The following ZDHHC9 variants were observed in gnomAD, a reference collection of about 807,000 sequenced individuals.
ZDHHC9 encodes the protein zDHHC palmitoyltransferase 9.
A neutral mutation model predicts 26.6 loss-of-function variants in ZDHHC9; 3 were observed. The ratio of observed to expected loss-of-function variants is 0.11; its 90% CI spans 0.05 to 0.29. ZDHHC9 has a LOEUF of 0.29. ZDHHC9 is among the 10% of genes least tolerant of loss of function. The pLI, the probability that ZDHHC9 is intolerant of heterozygous loss-of-function variation, is 1.00. For missense variants in ZDHHC9, 146 were observed against 296.4 expected, an observed-to-expected ratio of 0.49 and a Z score of 3.73; for synonymous variants, 111 against 109.4, an observed-to-expected ratio of 1.01 and a Z score of -0.09.
chrX:129,835,673 C>T (rs1257523455), intron 3 of ZDHHC9, among the ~76,000 whole-genome samples: 1 of 110,561 alleles, frequency 9.0e-6, no homozygotes, highest in Non-Finnish European at 1.9e-5. Flanking sequence ...ATCCCAGCTA[C>T]TCAGGAGGCT....
At chrX:129,829,212 T>A in intron 3 of ZDHHC9, 71 bp from the exon 4 acceptor site, 1 of 1,102,379 alleles carries the variant, frequency 9.1e-7, no homozygotes, top group African/African-American at 1.8e-5. Flanking sequence ...TACCAGTATG[T>A]CAATCTGGCC....
At chrX:129,842,219 C>T in intron 2 of ZDHHC9, 139 bp from the exon 3 acceptor site, 1 of 387,307 alleles carries the variant, frequency 2.6e-6, no homozygotes, top group Admixed American at 4.5e-5. Flanking sequence ...ATTTCCAATT[C>T]GTGTTTGTTC....
Position 129,805,068 on chromosome X carries a change from C to A in ZDHHC9, c.*1302G>T, listed in dbSNP as rs749047738. On this transcript the variant is annotated 3_prime_UTR_variant, in exon 11 of 11. Transcript: ENST00000357166. ...ACACAGGTGCTCTAGGAAATATAGC[C>A]ACATATAATACATAAATCTTCTTCC... 8.9e-6 allele frequency: 1 copy of A among 112,710 alleles called. No homozygotes were observed. The highest frequency in any genetic ancestry group is 1.9e-5 in the Non-Finnish European group (1 of 53,301). 9.3% of individuals were successfully genotyped at this position (112,710 alleles called of 1,213,427 possible). A position where few individuals can be genotyped will look rare whatever the true frequency, so the allele number is the denominator to read the frequency against.
chrX:129,834,126 A>T (rs1161960431), intron 3 of ZDHHC9, among the ~76,000 whole-genome samples: 1 of 111,532 alleles, frequency 9.0e-6, no homozygotes, highest in Admixed American at 9.5e-5. Context: ...AATCCTGGCA[A>T]GCTCCCTTGC....
intron 5 of ZDHHC9, among the ~76,000 whole-genome samples, chrX:129,818,390 G>T (rs1245190316): frequency 8.9e-6 from 1 of 112,056 alleles, no homozygotes; most frequent in East Asian, 2.8e-4. Flanking sequence ...TGGAATTGCT[G>T]GGTCATGTGG....
At chrX:129,813,361 C>CA (rs1927687457) in intron 7 of ZDHHC9, among the ~76,000 whole-genome samples, 1 of 110,616 alleles carries the variant, frequency 9.0e-6, no homozygotes, top group African/African-American at 3.3e-5. Flanking sequence ...GACTCTGTCT[C>CA]AAAAAAAGAA....
At chrX:129,843,515 A>T (rs1465841613) in intron 1 of ZDHHC9, 181 bp downstream of exon 1, 1 of 111,187 alleles carries the variant, frequency 9.0e-6, no homozygotes, top group Non-Finnish European at 1.9e-5. Context: ...ACGCACACGC[A>T]GCCACACGCT....
At chrX:129,822,046 G>A (rs971813719) in intron 5 of ZDHHC9, among the ~76,000 whole-genome samples, 5 of 111,681 alleles carry the variant, frequency 4.5e-5, no homozygotes, top group Non-Finnish European at 9.4e-5. Flanking sequence ...ACAGTGTGGC[G>A]ATTCCTCAAG....
Position 129,813,551 on chromosome X carries a change from A to T in ZDHHC9, c.674+126T>A. ...CTACCACTAAGACTATATTTTTTTA[A>T]ATTATTTTAGACCTTGGCACTCTCT... On this transcript the variant is annotated intron_variant, in intron 7 of 10. Transcript: ENST00000357166. 7.1e-6 allele frequency: 5 copies of T among 707,635 alleles called. No individual in the cohort carries two copies. The Admixed American group carries it at 8.4e-5, about 12-fold the overall frequency. 58.3% of individuals were successfully genotyped at this position (707,635 alleles called of 1,213,427 possible).
At chrX:129,813,254 C>G (rs771318190) in intron 7 of ZDHHC9, among the ~76,000 whole-genome samples, 1 of 112,222 alleles carries the variant, frequency 8.9e-6, no homozygotes, top group Non-Finnish European at 1.9e-5. Context: ...AAAAAATTAG[C>G]TGGGCGTGGT....
At chrX:129,831,798 C>T (rs183785302) in intron 3 of ZDHHC9, among the ~76,000 whole-genome samples, 1 of 111,251 alleles carries the variant, frequency 9.0e-6, no homozygotes, top group African/African-American at 3.3e-5. Context: ...AAACTTCGAG[C>T]GCCAGCCACT....
At chrX:129,822,520 G>T (rs1927913841) in intron 5 of ZDHHC9, among the ~76,000 whole-genome samples, 1 of 110,632 alleles carries the variant, frequency 9.0e-6, no homozygotes, top group Non-Finnish European at 1.9e-5. Context: ...AAACGTAGAT[G>T]ACAGGTTGAT....
chrX:129,840,010 C>T (rs1928345423), intron 3 of ZDHHC9, among the ~76,000 whole-genome samples: 1 of 111,736 alleles, frequency 8.9e-6, no homozygotes. Flanking sequence ...GAAAACTCAA[C>T]CTGCCTCTGT....
At chrX:129,829,673 T>C (rs1013671788) in intron 3 of ZDHHC9, among the ~76,000 whole-genome samples, 2 of 112,105 alleles carry the variant, frequency 1.8e-5, no homozygotes, top group Admixed American at 9.5e-5. Context: ...TTCAGGGCTG[T>C]TGACTGACTC....
rs1449798276 is a variant in ZDHHC9 at position 129,804,874 on chromosome X, C to T, written c.*1496G>A. 9.4e-6 allele frequency: 1 copy of T among 105,941 alleles called. No homozygotes were observed. The highest frequency in any genetic ancestry group is 1.0e-4 in the Admixed American group (1 of 9,898). 8.7% of individuals were successfully genotyped at this position (105,941 alleles called of 1,213,427 possible). A position where few individuals can be genotyped will look rare whatever the true frequency, so the allele number is the denominator to read the frequency against. On this transcript the variant is annotated 3_prime_UTR_variant, in exon 11 of 11. Coordinates refer to ENST00000357166, the MANE Select transcript of ZDHHC9 (RefSeq NM_016032.4). ...AGTAACAAGCAACCCCTTCCAACCC[C>T]CACCCCCACCCTACACACAAACATA...
At chrX:129,830,911 G>C (rs1010260540) in intron 3 of ZDHHC9, among the ~76,000 whole-genome samples, 1 of 111,561 alleles carries the variant, frequency 9.0e-6, no homozygotes, top group African/African-American at 3.3e-5. Flanking sequence ...TGAACCTGAA[G>C]GATGATTTTC....
intron 3 of ZDHHC9, among the ~76,000 whole-genome samples, chrX:129,834,190 A>G (rs1244871855): frequency 9.0e-6 from 1 of 111,543 alleles, no homozygotes; most frequent in Non-Finnish European, 1.9e-5. Context: ...GCAGGCCTTC[A>G]TCAGTCACCA....
At chrX:129,814,933 TTTTA>T (rs1927726526) in intron 5 of ZDHHC9, 138 bp from the exon 6 acceptor site, 1 of 747,169 alleles carries the variant, frequency 1.3e-6, no homozygotes, top group South Asian at 2.6e-5. Context: ...TTTTTTTTTT[TTTTA>T]CTTTTTCAAA....
chrX:129,828,835 C>T (rs1382917925), intron 4 of ZDHHC9, 146 bp downstream of exon 4: 24 of 783,957 alleles, frequency 3.1e-5, no homozygotes, highest in Admixed American at 2.3e-4. Flanking sequence ...ACTAAATTCA[C>T]GGGGTAGTCA....
Sources: allele counts gnomAD v4.1 joint callset (sites outside exome capture counted in the v4.1 genomes callset), GRCh38; gene constraint gnomAD v4.1.1; transcripts MANE v1.5; gene names NCBI Gene and HGNC (gene_info 2026-07-23, HGNC 2026-07-21).